The following ARHGAP26 variants were observed in gnomAD, a reference collection of about 807,000 sequenced individuals.
ARHGAP26 encodes the protein Rho GTPase activating protein 26, also known as rho GTPase-activating protein 26.
ARHGAP26 carries 38 observed loss-of-function variants against 104.8 expected under a neutral mutation model. The ratio of observed to expected loss-of-function variants is 0.36; its 90% CI spans 0.28 to 0.48. The LOEUF is 0.48. ARHGAP26 is among the 20% of genes least tolerant of loss of function. The pLI is 0.99. For synonymous variants in ARHGAP26, 341 were observed against 340.0 expected (o/e 1.00, Z -0.03); for missense variants, 704 against 947.9 (o/e 0.74, Z 3.38).
intron 11 of ARHGAP26, among the ~76,000 whole-genome samples, chr5:142,981,685 C>A (rs1320598231): frequency 1.3e-5 from 2 of 152,186 alleles, no homozygotes; most frequent in Non-Finnish European, 2.9e-5. Flanking sequence ...TTTCTGTATA[C>A]TTTCTACTTT....
At position 142,902,000 on chromosome 5, in the gene ARHGAP26, C is replaced by A. The variant is rs771356025; in HGVS notation, c.663C>A (p.Phe221Leu). 6.2e-7 allele frequency: 1 copy of A among 1,613,814 alleles called. No individual in the cohort carries two copies. The highest frequency in any genetic ancestry group is 1.3e-5 in the African/African-American group (1 of 74,896). ...YHHGYELAKD[F>L]GDFKTQLTIS... is the part of the protein sequence containing the mutation. ...ATGGTTACGAACTGGCCAAGGATTT[C>A]GGGGACTTCAAGACACAGTTAACCA... Residue 221 changes from phenylalanine (F) to leucine (L), a missense_variant, in exon 7 of 23, where the codon TTC (phenylalanine) becomes TTA (leucine). Around this residue, in one of 6 missense-constraint regions of ARHGAP26, gnomAD observed 16 missense variants for 46.4 expected, o/e 0.34. Coordinates refer to ENST00000645722, the MANE Select transcript of ARHGAP26 (RefSeq NM_001135608.3).
At position 143,007,193 on chromosome 5, in the gene ARHGAP26, C is replaced by CG. The variant is rs1491548771; in HGVS notation, c.1108-6886dup. ...CTGGTTGACAGCAAGACTCTGTCTC[C>CG]GAAAAAAAAAAAAAAAAAAAAAAGT... On this transcript the variant is annotated intron_variant, in intron 11 of 22. Transcript: ENST00000645722. 7.0e-3 allele frequency among the ~76,000 whole-genome samples: 808 copies of CG among 115,320 alleles called. 16 individuals carry two copies. The highest frequency in any genetic ancestry group is 0.041 in the Admixed American group (432 of 10,440). 75.7% of individuals were successfully genotyped at this position (115,320 alleles called of 152,430 possible).
chr5:143,032,050 C>T (rs1421556655), intron 12 of ARHGAP26, among the ~76,000 whole-genome samples: 3 of 152,178 alleles, frequency 2.0e-5, no homozygotes, highest in Non-Finnish European at 2.9e-5. Context: ...CCTGTGTTCA[C>T]GTGTTCTCTA....
At chr5:142,797,881 AGGTGGG>A (rs1427688944) in intron 1 of ARHGAP26, among the ~76,000 whole-genome samples, 1 of 152,170 alleles carries the variant, frequency 6.6e-6, no homozygotes, top group African/African-American at 2.4e-5. Context: ...GCAGGTTCTG[AGGTGGG>A]GCTTGACATT....
intron 17 of ARHGAP26, among the ~76,000 whole-genome samples, chr5:143,104,542 C>T (rs1018215067): frequency 4.6e-5 from 7 of 151,930 alleles, no homozygotes; most frequent in African/African-American, 1.7e-4. Context: ...AAAAGTATGC[C>T]CTTTCATCCA....
chr5:143,128,172 G>T (rs1796927969), intron 18 of ARHGAP26, among the ~76,000 whole-genome samples: 1 of 152,136 alleles, frequency 6.6e-6, no homozygotes. Context: ...TGATAAGGTA[G>T]GTTGTGCATT....
intron 19 of ARHGAP26, among the ~76,000 whole-genome samples, chr5:143,140,579 T>G (rs2150942866): frequency 6.6e-6 from 1 of 152,302 alleles, no homozygotes; most frequent in South Asian, 2.1e-4. Flanking sequence ...TAGTTGTATC[T>G]TACAACTGAC....
chr5:142,872,412 C>T (rs1167326314), intron 1 of ARHGAP26, among the ~76,000 whole-genome samples: 1 of 152,138 alleles, frequency 6.6e-6, no homozygotes, highest in Non-Finnish European at 1.5e-5. Context: ...GGCATTTGGA[C>T]ATAATGCCAT....
intron 19 of ARHGAP26, among the ~76,000 whole-genome samples, chr5:143,141,726 A>G (rs1018337870): frequency 6.6e-6 from 1 of 152,232 alleles, no homozygotes; most frequent in African/African-American, 2.4e-5. Context: ...CTTTTCCTAA[A>G]AGCAAGTCTC....
At chr5:143,035,333 T>C (rs58889669) in intron 12 of ARHGAP26, among the ~76,000 whole-genome samples, 62 of 152,298 alleles carry the variant, frequency 4.1e-4, no homozygotes, top group African/African-American at 1.4e-3. Flanking sequence ...CTTTGGTGTA[T>C]ATATATGATG....
chr5:142,963,738 A>G lies in ARHGAP26; in HGVS notation c.1107+31613A>G, dbSNP rs557477019. ...TCCCAACCTCTAGAACCTTCTATCAAATCACCTGCTTATCTTCTGTGCAGC... is the reference window on the plus strand; with the variant it reads ...TCCCAACCTCTAGAACCTTCTATCAGATCACCTGCTTATCTTCTGTGCAGC... On this transcript the variant is annotated intron_variant, in intron 11 of 22. Coordinates refer to ENST00000645722, the MANE Select transcript of ARHGAP26 (RefSeq NM_001135608.3). Among the ~76,000 whole-genome samples, 4 of 152,248 alleles carry G rather than the reference A, an allele frequency of 2.6e-5. No individual in the cohort carries two copies. In the East Asian group the frequency reaches 5.8e-4, roughly 22 times the overall value.
rs528709756 is a variant in ARHGAP26 at position 143,148,878 on chromosome 5, T to C, written c.1988+1497T>C. The stretch of plus-strand genomic sequence containing the variant: ...CTCTGTATGAGCAAGGTTGAATTTC[T>C]AGCCCAAGTTGCTTAACATCCCCTG... On this transcript the variant is annotated intron_variant, in intron 20 of 22. Transcript: ENST00000645722. 2.6e-5 allele frequency among the ~76,000 whole-genome samples: 4 copies of C among 152,350 alleles called. No individual in the cohort carries two copies. The South Asian group carries it at 8.3e-4, about 32-fold the overall frequency.
chr5:142,832,992 A>G (rs74671249), intron 1 of ARHGAP26, among the ~76,000 whole-genome samples: 2,715 of 152,308 alleles, frequency 0.018, 90 homozygotes, highest in African/African-American at 0.061. Flanking sequence ...AAAGTATAAT[A>G]TGGAAAATTT....
At chr5:143,207,945 C>T (rs756395316) in intron 21 of ARHGAP26, among the ~76,000 whole-genome samples, 1 of 152,182 alleles carries the variant, frequency 6.6e-6, no homozygotes, top group Non-Finnish European at 1.5e-5. Context: ...AGAGACGAAG[C>T]GATTTCTCTT....
At chr5:143,187,455 C>A (rs1181116105) in intron 20 of ARHGAP26, among the ~76,000 whole-genome samples, 1 of 152,158 alleles carries the variant, frequency 6.6e-6, no homozygotes, top group African/African-American at 2.4e-5. Flanking sequence ...TAGGGCAATT[C>A]AAGCAAATTT....
intron 20 of ARHGAP26, among the ~76,000 whole-genome samples, chr5:143,157,845 C>T (rs1659186): frequency 0.2 from 31,121 of 152,022 alleles, 3,877 homozygotes; most frequent in East Asian, 0.39. Context: ...TGGGGCAGGG[C>T]AAAGCCTGTG....
intron 20 of ARHGAP26, among the ~76,000 whole-genome samples, chr5:143,180,181 A>G (rs1804100414): frequency 6.6e-6 from 1 of 152,032 alleles, no homozygotes; most frequent in Non-Finnish European, 1.5e-5. Context: ...GCTGGAGTGC[A>G]GTGGTGCGAT....
At chr5:143,116,863 C>T (rs1795523287) in intron 17 of ARHGAP26, among the ~76,000 whole-genome samples, 2 of 152,222 alleles carry the variant, frequency 1.3e-5, no homozygotes. Context: ...ACCTATACCT[C>T]CCTACCCCCA....
chr5:143,016,848 C>T (rs1159098620), intron 12 of ARHGAP26, among the ~76,000 whole-genome samples: 2 of 152,084 alleles, frequency 1.3e-5, no homozygotes. Context: ...AGTTTGGACC[C>T]TTTCCCACAT....
Sources: gnomAD v4.1 joint callset for allele counts (sites outside exome capture counted in the v4.1 genomes callset) on GRCh38, gnomAD v4.1.1 for gene constraint, gnomAD v4.1.1 regional missense constraint, MANE v1.5 for transcripts, NCBI Gene and HGNC (gene_info 2026-07-23, HGNC 2026-07-21) for gene names.